NPHP4: variants seen among roughly 807,000 people sequenced by gnomAD.
NPHP4 encodes the protein nephrocystin-4.
NPHP4 carries 151 observed loss-of-function variants against 155.8 expected under a neutral mutation model. The observed-to-expected ratio is 0.97, with a 90% confidence interval of 0.85 to 1.11. The LOEUF is 1.11. Ranked by LOEUF, NPHP4 falls within the 50% of genes least tolerant of loss-of-function variation. The pLI is 0.00. For synonymous variants in NPHP4, 845 were observed against 816.8 expected, an observed-to-expected ratio of 1.03 and a Z score of -0.59; for missense variants, 1,956 against 1,925.7, an observed-to-expected ratio of 1.02 and a Z score of -0.29.
intron 18 of NPHP4, among the ~76,000 whole-genome samples, chr1:5,885,082 T>C (rs568196490): frequency 4.0e-5 from 5 of 123,950 alleles, no homozygotes; most frequent in African/African-American, 1.3e-4. Context: ...ACAACCAAGA[T>C]CAGTGCCCAA....
At position 5,986,229 on chromosome 1, in the gene NPHP4, C is replaced by T. The variant is rs573630259; in HGVS notation, c.61G>A (p.Ala21Thr). 8 of 1,613,930 alleles carry T rather than the reference C, an allele frequency of 5.0e-6. No individual in the cohort carries two copies. In the South Asian group the frequency reaches 6.6e-5, roughly 13 times the overall value. Residue 21 changes from alanine (A) to threonine (T), a missense_variant, in exon 2 of 30, where the codon GCG (alanine) becomes ACG (threonine). Coordinates refer to ENST00000378156, the MANE Select transcript of NPHP4 (RefSeq NM_015102.5). ...NVLVPPHPQR[A>T]RQPWKESTAF... ...GTGGATTCCTTCCAAGGCTGGCGCG[C>T]TCTCTGTGGGTGGGGAGGGACAAGC...
chr1:5,933,419 C>G lies in NPHP4; in HGVS notation c.1120-90G>C. The G allele has an allele frequency of 8.5e-6, 9 of 1,060,674 alleles. No homozygotes were observed. The South Asian group carries it at 1.2e-4, about 15-fold the overall frequency. The allele number at this position is 1,060,674 out of a possible 1,614,324, so 65.7% of individuals were successfully genotyped here. A position where few individuals can be genotyped will look rare whatever the true frequency, so the allele number is the denominator to read the frequency against. On this transcript the variant is annotated intron_variant, in intron 9 of 29. Transcript: ENST00000378156. ...CAACAGTGCTTTCATGTGTAAAATT[C>G]AACGAGAGCTCAGTGTAGCAAGGGG...
chr1:5,880,019 GCACACACGCATGCACACACA>G (rs899883351), intron 19 of NPHP4, 75 bp downstream of exon 19: 5 of 1,376,186 alleles, frequency 3.6e-6, no homozygotes, highest in Non-Finnish European at 5.0e-6. Context: ...ACACACACAT[GCACACACGCATGCACACACA>G]CACACACGCA....
chr1:5,888,609 T>A, intron 17 of NPHP4: 1 of 1,350,272 alleles, frequency 7.4e-7, no homozygotes, highest in Non-Finnish European at 9.8e-7. Flanking sequence ...ATGAGAAGTC[T>A]CCTTTAGGGA....
In NPHP4 at chr1:5,901,192, T is replaced by C. The variant is rs188350384; in HGVS notation, c.2143+3425A>G. 2.4e-4 allele frequency among the ~76,000 whole-genome samples: 37 copies of C among 152,268 alleles called. 1 individual carries two copies. The East Asian group carries it at 6.7e-3, about 28-fold the overall frequency. ...CTAAAACTGATCTAAAAAAATAAAA[T>C]TACTAATTTTTAAAAATAATGGAAC... is the stretch of plus-strand genomic sequence containing the variant. On this transcript the variant is annotated intron_variant, in intron 16 of 29. Transcript: ENST00000378156.
At chr1:5,896,747 TC>T (rs1404481827) in intron 16 of NPHP4, among the ~76,000 whole-genome samples, 1 of 152,136 alleles carries the variant, frequency 6.6e-6, no homozygotes, top group African/African-American at 2.4e-5. Flanking sequence ...TGAAATGTCA[TC>T]CCCATTCAGG....
intron 18 of NPHP4, among the ~76,000 whole-genome samples, chr1:5,883,269 G>A (rs182286703): frequency 4.9e-4 from 75 of 152,184 alleles, no homozygotes; most frequent in African/African-American, 1.6e-3. Flanking sequence ...CACACTCCGG[G>A]CCACGCTGCC....
At chr1:5,980,443 G>T (rs72859171) in intron 2 of NPHP4, among the ~76,000 whole-genome samples, 1 of 152,350 alleles carries the variant, frequency 6.6e-6, no homozygotes, top group Admixed American at 6.5e-5. Context: ...GCCTCACGGC[G>T]CGAGGAGAAG....
intron 13 of NPHP4, 53 bp downstream of exon 13, chr1:5,907,062 G>C: frequency 2.8e-6 from 3 of 1,075,988 alleles, no homozygotes; most frequent in Non-Finnish European, 4.0e-6. Context: ...AAAATGAGGA[G>C]CTGTGGAGCC....
At chr1:5,971,457 T>C (rs1652552166) in intron 3 of NPHP4, among the ~76,000 whole-genome samples, 1 of 152,202 alleles carries the variant, frequency 6.6e-6, no homozygotes, top group African/African-American at 2.4e-5. Context: ...GACCCTCCAG[T>C]GTGGGAACAG....
chr1:5,972,292 G>A (rs548205089), intron 3 of NPHP4, among the ~76,000 whole-genome samples: 94 of 152,340 alleles, frequency 6.2e-4, no homozygotes, highest in Non-Finnish European at 9.4e-4. Context: ...CTCTGGCTCA[G>A]ACTCACACTG....
In NPHP4 at chr1:5,905,336, A is replaced by G. The variant is rs1018872987; in HGVS notation, c.1911T>C (p.Cys637=). The G allele has an allele frequency of 6.2e-7, 1 of 1,613,944 alleles. No individual in the cohort carries two copies. The highest frequency in any genetic ancestry group is 8.5e-7 in the Non-Finnish European group (1 of 1,179,842). ...GTAGCACCATCTCGTTGCTTTGTAG[A>G]CAATCTGATTCTTCCTTCTGAGGGT... The part of the protein sequence containing the change: ...TFNPQKEESD[C]LQSNEMVLQF... Residue 637 remains cysteine (C), a synonymous_variant, in exon 15 of 30, where the codon TGT becomes TGC. Transcript: ENST00000378156. This position sits in a 1 kb window ranked among gnomAD's most constrained non-coding sequence, Gnocchi z 4.0.
intron 9 of NPHP4, among the ~76,000 whole-genome samples, chr1:5,935,895 A>C (rs191199912): frequency 6.6e-6 from 1 of 152,190 alleles, no homozygotes; most frequent in Non-Finnish European, 1.5e-5. Flanking sequence ...AAATCAAATT[A>C]CTATAAATGT....
intron 27 of NPHP4, 21 bp from the exon 28 acceptor site, chr1:5,864,538 G>A (rs553930816): frequency 1.3e-6 from 2 of 1,507,646 alleles, no homozygotes; most frequent in East Asian, 2.4e-5. Context: ...GAGAGAGGCG[G>A]GTCAGAGCAC....
intron 6 of NPHP4, among the ~76,000 whole-genome samples, chr1:5,960,295 C>G (rs115890529): frequency 3.3e-5 from 5 of 152,152 alleles, no homozygotes; most frequent in African/African-American, 9.7e-5. Flanking sequence ...CCCTCTCCTC[C>G]CTGGAATGCT....
At chr1:5,932,072 C>CAA (rs148760470) in intron 10 of NPHP4, among the ~76,000 whole-genome samples, 2 of 141,964 alleles carry the variant, frequency 1.4e-5, no homozygotes, top group South Asian at 2.2e-4. Flanking sequence ...GACCCTGTCT[C>CAA]AAAAAAAAAA....
chr1:5,926,696 C>T (rs1019907024), intron 11 of NPHP4, among the ~76,000 whole-genome samples: 3 of 152,082 alleles, frequency 2.0e-5, no homozygotes, highest in African/African-American at 4.8e-5. Context: ...TGAAGAAAAC[C>T]CCTCCTGAGT....
chr1:5,974,706 C>G (rs890827737), intron 3 of NPHP4, among the ~76,000 whole-genome samples: 1 of 150,106 alleles, frequency 6.7e-6, no homozygotes, highest in Non-Finnish European at 1.5e-5. Context: ...AAAAAACCAC[C>G]CAGCTCTGGA....
At chr1:5,982,402 T>C (rs1020418912) in intron 2 of NPHP4, among the ~76,000 whole-genome samples, 2 of 152,270 alleles carry the variant, frequency 1.3e-5, no homozygotes, top group African/African-American at 2.4e-5. Flanking sequence ...GGCTATACCA[T>C]GGAGCCTAGG....
Sources: gnomAD v4.1 joint callset for allele counts (sites outside exome capture counted in the v4.1 genomes callset) on GRCh38, gnomAD v4.1.1 for gene constraint, Gnocchi (gnomAD v3.1) non-coding constraint, MANE v1.5 for transcripts, NCBI Gene and HGNC (gene_info 2026-07-23, HGNC 2026-07-21) for gene names.